The following THEM4 variants were observed in gnomAD, a reference collection of about 807,000 sequenced individuals.
THEM4 encodes the protein acyl-coenzyme A thioesterase THEM4.
THEM4 carries 22 observed loss-of-function variants against 25.0 expected under a neutral mutation model. That is an observed-to-expected ratio of 0.88 (90% CI 0.63 to 1.26). The LOEUF (loss-of-function observed/expected upper bound fraction) is 1.26, where lower values mean the gene tolerates loss of function less well. Among genes scored for constraint, THEM4 ranks in the 50% most tolerant of loss-of-function variants. The probability of loss-of-function intolerance (pLI) is 0.00; values close to 1 mark genes in which losing one functional copy is unlikely to be tolerated. For missense variants in THEM4, 286 were observed against 300.3 expected (o/e 0.95, Z 0.35); for synonymous variants, 113 against 105.6 (o/e 1.07, Z -0.43).
At chr1:151,888,244 G>A in intron 4 of THEM4, 29 bp downstream of exon 4, 1 of 1,567,134 alleles carries the variant, frequency 6.4e-7, no homozygotes, top group Admixed American at 1.7e-5. Context: ...CAACACCTAA[G>A]GATAAATAGA....
chr1:151,876,195 C>A (rs897494503), intron 5 of THEM4, among the ~76,000 whole-genome samples: 1 of 152,158 alleles, frequency 6.6e-6, no homozygotes, highest in African/African-American at 2.4e-5. Flanking sequence ...TATGGTATCA[C>A]AATATTTCAC....
rs1353820442 is a variant in THEM4 at position 151,877,102 on chromosome 1, A to C, written c.581T>G (p.Val194Gly). The C allele has an allele frequency of 5.6e-6, 9 of 1,612,928 alleles. No individual in the cohort carries two copies. Among genetic ancestry groups the C allele is most frequent in the Non-Finnish European group, 7.6e-6 (9 of 1,179,726 alleles). The change falls in exon 5 of 6, where the codon GTT becomes GGT. Residue 194 changes from valine to glycine, a missense_variant. Val to Gly is a moderately radical substitution (Grantham distance 109, BLOSUM62 -3). Coordinates refer to ENST00000368814, the MANE Select transcript of THEM4 (RefSeq NM_053055.5). ...TTTATCAAGTTGGCTATTTATCATAACAACAGAACAAAGAGGGATAGGTCT... is the reference window on the plus strand; with the variant it reads ...TTTATCAAGTTGGCTATTTATCATACCAACAGAACAAAGAGGGATAGGTCT... ...YKRPIPLCSV[V>G]MINSQLDKVE...
chr1:151,875,628 C>T (rs1276329438), intron 5 of THEM4, among the ~76,000 whole-genome samples: 1 of 151,698 alleles, frequency 6.6e-6, no homozygotes, highest in Non-Finnish European at 1.5e-5. Context: ...AAAAATTTCA[C>T]AGAATGGGAA....
intron 1 of THEM4, among the ~76,000 whole-genome samples, chr1:151,905,104 G>T (rs1654428017): frequency 3.1e-5 from 1 of 31,746 alleles, no homozygotes; most frequent in African/African-American, 7.2e-5. Context: ...TTGAGCTTTG[G>T]TTACACATTT....
At chr1:151,878,385 T>C (rs1301798517) in intron 4 of THEM4, among the ~76,000 whole-genome samples, 1 of 152,206 alleles carries the variant, frequency 6.6e-6, no homozygotes, top group African/African-American at 2.4e-5. Flanking sequence ...TGGGTTCTTT[T>C]TCTCTGAGGC....
At chr1:151,894,238 G>A (rs1439295173) in intron 2 of THEM4, among the ~76,000 whole-genome samples, 6 of 152,176 alleles carry the variant, frequency 3.9e-5, no homozygotes, top group Non-Finnish European at 5.9e-5. Flanking sequence ...AAAAGATAAT[G>A]AGTAACTCAG....
Position 151,895,138 on chromosome 1 carries a change from G to A in THEM4, c.156C>T (p.Ser52=). 6.2e-7 allele frequency: 1 copy of A among 1,614,082 alleles called. No homozygotes were observed. The highest frequency in any genetic ancestry group is 1.1e-5 in the South Asian group (1 of 91,080). Residue 52 remains serine, a synonymous_variant, in exon 2 of 6, where the codon AGC becomes AGT. Transcript: ENST00000368814. The stretch of plus-strand genomic sequence containing the variant: ...AGAGCAGTCTTAGGTCCTTGTTCCA[G>A]CTGGGGTTGGGGACAGAACAGTCCT... ...ILKDCSVPNP[S]WNKDLRLLFD...
chr1:151,901,839 G>T (rs977262381), intron 1 of THEM4, among the ~76,000 whole-genome samples: 2 of 151,912 alleles, frequency 1.3e-5, no homozygotes, highest in Non-Finnish European at 2.9e-5. Flanking sequence ...GCGAAACTCT[G>T]TCTCAGAAAA....
At chr1:151,905,059 A>G (rs1331866195) in intron 1 of THEM4, among the ~76,000 whole-genome samples, 4 of 152,234 alleles carry the variant, frequency 2.6e-5, no homozygotes, top group Non-Finnish European at 5.9e-5. Flanking sequence ...GACAACGATT[A>G]TATTTTGTTG....
Position 151,872,030 on chromosome 1 carries a change from G to C in THEM4, c.*2858C>G, listed in dbSNP as rs1183098915. Among the ~76,000 whole-genome samples the C allele has an allele frequency of 6.6e-6, 1 of 152,188 alleles. No individual in the cohort carries two copies. Among genetic ancestry groups the C allele is most frequent in the Non-Finnish European group, 1.5e-5 (1 of 68,022 alleles). On this transcript the variant is annotated 3_prime_UTR_variant, in exon 6 of 6. Coordinates refer to ENST00000368814, the MANE Select transcript of THEM4 (RefSeq NM_053055.5). ...GTTGGAAGACTGGGAATAGAGGGTG[G>C]CCATTGCCAGACCTGTAACTTGTAG...
rs975692689 is a variant in THEM4 at position 151,872,049 on chromosome 1, C to A, written c.*2839G>T. Among the ~76,000 whole-genome samples the A allele has an allele frequency of 6.6e-6, 1 of 152,212 alleles. No homozygotes were observed. The highest frequency in any genetic ancestry group is 2.1e-4 in the South Asian group (1 of 4,828). On this transcript the variant is annotated 3_prime_UTR_variant, in exon 6 of 6. Coordinates refer to ENST00000368814, the MANE Select transcript of THEM4 (RefSeq NM_053055.5). ...AGGGTGGCCATTGCCAGACCTGTAA[C>A]TTGTAGAGCTGTGAGCCCAGCCATC...
intron 4 of THEM4, among the ~76,000 whole-genome samples, chr1:151,877,630 A>G (rs1653711974): frequency 6.6e-6 from 1 of 152,240 alleles, no homozygotes; most frequent in African/African-American, 2.4e-5. Flanking sequence ...GTACTGTCCA[A>G]TAGAACTTTC....
chr1:151,880,519 A>G (rs952649268), intron 4 of THEM4, among the ~76,000 whole-genome samples: 1 of 152,116 alleles, frequency 6.6e-6, no homozygotes, highest in Non-Finnish European at 1.5e-5. Flanking sequence ...ATCTCCCACT[A>G]TATAAAGGTG....
At chr1:151,905,759 C>T (rs560226681) in intron 1 of THEM4, among the ~76,000 whole-genome samples, 24 of 152,320 alleles carry the variant, frequency 1.6e-4, no homozygotes, top group Admixed American at 3.9e-4. Flanking sequence ...TTATAGATTC[C>T]TGTTTTCTGT....
chr1:151,899,327 C>T (rs1436702323), intron 1 of THEM4, among the ~76,000 whole-genome samples: 1 of 151,988 alleles, frequency 6.6e-6, no homozygotes, highest in Non-Finnish European at 1.5e-5. Context: ...CCCATCTCTA[C>T]TAAAAATACA....
chr1:151,889,312 A>G lies in THEM4; in HGVS notation c.348T>C (p.Asp116=). 1 of 1,614,096 alleles carries G rather than the reference A, an allele frequency of 6.2e-7. No homozygotes were observed. Among genetic ancestry groups the G allele is most frequent in the Non-Finnish European group, 8.5e-7 (1 of 1,179,962 alleles). The change falls in exon 3 of 6, where the codon GAT becomes GAC. Residue 116 remains aspartate, a synonymous_variant. Transcript: ENST00000368814. The part of the protein sequence containing the change: ...SQAQLFTRSF[D]DGLGFEYVMF... ...TCACGTATTCAAAGCCCAGGCCATC[A>G]TCAAAGCTTCTGGTGAAGAGCTGGG...
chr1:151,901,060 A>G (rs1441298862), intron 1 of THEM4, among the ~76,000 whole-genome samples: 1 of 152,236 alleles, frequency 6.6e-6, no homozygotes, highest in East Asian at 1.9e-4. Context: ...CCCCTAAGGA[A>G]TACTTTTAGT....
At chr1:151,887,203 C>T (rs564850589) in intron 4 of THEM4, among the ~76,000 whole-genome samples, 3 of 152,112 alleles carry the variant, frequency 2.0e-5, no homozygotes, top group African/African-American at 7.2e-5. Flanking sequence ...CCAAGGCAGG[C>T]GGATCACTTG....
At position 151,909,432 on chromosome 1, in the gene THEM4, G is replaced by C; in HGVS notation, c.27C>G (p.Leu9=). Residue 9 remains leucine (L), a synonymous_variant, in exon 1 of 6, where the codon CTC becomes CTG. Transcript: ENST00000368814. ...GCAGGCACAGAGCCCCCAGCGTGCGGAGGCGCGCGGCGCAGCTCCTCAGCA... is the reference window on the plus strand; with the variant it reads ...GCAGGCACAGAGCCCCCAGCGTGCGCAGGCGCGCGGCGCAGCTCCTCAGCA... MLRSCAAR[L]RTLGALCLPP... 6.8e-7 allele frequency: 1 copy of C among 1,466,990 alleles called. No homozygotes were observed. Among genetic ancestry groups the C allele is most frequent in the Non-Finnish European group, 8.9e-7 (1 of 1,117,690 alleles). The allele number at this position is 1,466,990 out of a possible 1,614,324, so 90.9% of individuals were successfully genotyped here.
Sources: allele counts gnomAD v4.1 joint callset (sites outside exome capture counted in the v4.1 genomes callset), GRCh38; gene constraint gnomAD v4.1.1; transcripts MANE v1.5; gene names NCBI Gene and HGNC (gene_info 2026-07-23, HGNC 2026-07-21).